MYPN: variants seen among roughly 807,000 people sequenced by gnomAD.
MYPN encodes sarcomeric protein myopalladin, 145 kDa (MYOP).
Under a neutral mutation model 129.4 loss-of-function variants are expected in MYPN, and 63 were observed. The observed-to-expected ratio is 0.49, with a 90% CI of 0.40 to 0.60. MYPN has a LOEUF of 0.60. Ranked by LOEUF, MYPN falls within the 20% of genes least tolerant of loss-of-function variation. The probability of loss-of-function intolerance (pLI) is 0.00; values close to 1 mark genes in which losing one functional copy is unlikely to be tolerated. For synonymous variants in MYPN, 629 were observed against 600.9 expected, an observed-to-expected ratio of 1.05 and a Z score of -0.68; for missense variants, 1,596 against 1,635.4, an observed-to-expected ratio of 0.98 and a Z score of 0.42.
chr10:68,169,716 G>A (rs2043115786), intron 10 of MYPN, among the ~76,000 whole-genome samples: 1 of 151,774 alleles, frequency 6.6e-6, no homozygotes, highest in Non-Finnish European at 1.5e-5. Flanking sequence ...GCAGTCAGAA[G>A]GGACAATGGG....
At chr10:68,117,007 G>A (rs545045192) in intron 1 of MYPN, among the ~76,000 whole-genome samples, 16 of 152,112 alleles carry the variant, frequency 1.1e-4, no homozygotes, top group Non-Finnish European at 2.2e-4. Context: ...ATCACTCGAG[G>A]TCAGGAGTTC....
chr10:68,136,584 C>T, intron 2 of MYPN: 1 of 1,495,730 alleles, frequency 6.7e-7, no homozygotes, highest in South Asian at 1.3e-5. Context: ...GTGACGGTTA[C>T]CGATTGTTTT....
chr10:68,211,019 T>C lies in MYPN; in HGVS notation c.*564T>C. ...CGGGCAAACACTTTTGATTTGCATA[T>C]CCTGGGTGTACTGAGCCACATAATA... On this transcript the variant is annotated 3_prime_UTR_variant, in exon 20 of 20. Coordinates refer to ENST00000358913, the MANE Select transcript of MYPN (RefSeq NM_032578.4). 1 of 454,108 alleles carries C rather than the reference T, an allele frequency of 2.2e-6. No individual in the cohort carries two copies. The highest frequency in any genetic ancestry group is 1.6e-5 in the South Asian group (1 of 64,480). The allele number at this position is 454,108 out of a possible 1,614,324, so 28.1% of individuals were successfully genotyped here.
intron 15 of MYPN, among the ~76,000 whole-genome samples, chr10:68,197,145 A>G (rs1364774064): frequency 2.6e-5 from 4 of 152,114 alleles, no homozygotes; most frequent in South Asian, 4.1e-4. Context: ...ATCTCGCAAG[A>G]CAATCCCACA....
rs151136803 is a variant in MYPN, at chr10:68,189,247, A to G, written c.2925+121A>G. ...CTTCTTTTTTGTATTTGTTATTGATATAGTTGTACATGTTTTAGGGTATAT... is the reference window on the plus strand; with the variant it reads ...CTTCTTTTTTGTATTTGTTATTGATGTAGTTGTACATGTTTTAGGGTATAT... On this transcript the variant is annotated intron_variant, in intron 13 of 19. Transcript: ENST00000358913. 730 of 738,966 alleles carry G rather than the reference A, an allele frequency of 9.9e-4. 4 individuals are homozygous for G. The African/African-American group carries it at 0.012, about 12-fold the overall frequency. 45.8% of individuals were successfully genotyped at this position (738,966 alleles called of 1,614,324 possible). A position where few individuals can be genotyped will look rare whatever the true frequency, so the allele number is the denominator to read the frequency against.
At chr10:68,209,671 C>CTTTTTTTTTTTT (rs35392300) in intron 19 of MYPN, among the ~76,000 whole-genome samples, 14 of 131,168 alleles carry the variant, frequency 1.1e-4, no homozygotes, top group East Asian at 4.6e-4. Context: ...GAATTCTTTT[C>CTTTTTTTTTTTT]TTTTTTTTTT....
intron 8 of MYPN, among the ~76,000 whole-genome samples, chr10:68,163,462 TAAAAAAAATACA>T (rs2043009103): frequency 6.6e-6 from 1 of 150,992 alleles, no homozygotes. Flanking sequence ...CCGTCTCTAC[TAAAAAAAATACA>T]AAAAATTAGC....
intron 12 of MYPN, among the ~76,000 whole-genome samples, chr10:68,177,561 T>G (rs141654412): frequency 6.6e-4 from 100 of 152,332 alleles, no homozygotes; most frequent in Admixed American, 3.0e-3. Context: ...TTTTATCCAT[T>G]GCTGTCTTCG....
chr10:68,104,126 A>G (rs2041995523), upstream of MYPN, among the ~76,000 whole-genome samples: 1 of 151,964 alleles, frequency 6.6e-6, no homozygotes, highest in East Asian at 1.9e-4. Flanking sequence ...AACTTAGACT[A>G]CTCCCCAGCC....
chr10:68,189,274 C>T, intron 13 of MYPN, 148 bp downstream of exon 13: 1 of 671,882 alleles, frequency 1.5e-6, no homozygotes, highest in South Asian at 1.7e-5. Context: ...AGGGTATATG[C>T]AATATTTTGA....
intron 12 of MYPN, among the ~76,000 whole-genome samples, chr10:68,176,624 C>A (rs2043231515): frequency 6.6e-6 from 1 of 152,148 alleles, no homozygotes; most frequent in African/African-American, 2.4e-5. Context: ...TTCTTAAAAT[C>A]TTTTAAAAAT....
chr10:68,108,380 G>A (rs1006190142), upstream of MYPN, among the ~76,000 whole-genome samples: 3 of 152,106 alleles, frequency 2.0e-5, no homozygotes, highest in Admixed American at 1.3e-4. Context: ...AGATCTCTTC[G>A]TAAATTCCAC....
intron 13 of MYPN, among the ~76,000 whole-genome samples, chr10:68,190,954 C>T (rs1312124399): frequency 6.6e-6 from 1 of 152,084 alleles, no homozygotes; most frequent in African/African-American, 2.4e-5. Context: ...TCCTTTCTCT[C>T]AATGTATGTT....
At chr10:68,187,820 G>A (rs145823395) in intron 12 of MYPN, among the ~76,000 whole-genome samples, 1 of 152,246 alleles carries the variant, frequency 6.6e-6, no homozygotes, top group South Asian at 2.1e-4. Flanking sequence ...GGTGTGTCAC[G>A]GAAGGAAATG....
intron 2 of MYPN, among the ~76,000 whole-genome samples, chr10:68,135,216 G>T (rs957107044): frequency 1.1e-4 from 16 of 152,106 alleles, no homozygotes; most frequent in African/African-American, 3.9e-4. Context: ...GCCTCCCAAA[G>T]TGCTGGGATC....
At chr10:68,204,478 T>G (rs2043777578) in intron 18 of MYPN, among the ~76,000 whole-genome samples, 1 of 152,122 alleles carries the variant, frequency 6.6e-6, no homozygotes, top group African/African-American at 2.4e-5. Context: ...TCCCAGCACT[T>G]TGGGAGGCCA....
At position 68,210,536 on chromosome 10, in the gene MYPN, A is replaced by G; in HGVS notation, c.*81A>G. On this transcript the variant is annotated 3_prime_UTR_variant, in exon 20 of 20. Transcript: ENST00000358913. ...AAGCCAGACTTGGTGGTTTCCAAGC[A>G]ACCGAAGTTGAGTAAGTTCCCACAC... 1.3e-6 allele frequency: 2 copies of G among 1,562,708 alleles called. No individual in the cohort carries two copies. The highest frequency in any genetic ancestry group is 1.8e-6 in the Non-Finnish European group (2 of 1,141,782).
chr10:68,099,229 C>G (rs2041971141), intron 1 of MYPN, among the ~76,000 whole-genome samples: 2 of 152,146 alleles, frequency 1.3e-5, no homozygotes, highest in African/African-American at 4.8e-5. Flanking sequence ...ATAATGTCAA[C>G]TTGAAAATCT....
At chr10:68,127,167 C>T (rs181100495) in intron 2 of MYPN, among the ~76,000 whole-genome samples, 51 of 152,076 alleles carry the variant, frequency 3.4e-4, no homozygotes, top group African/African-American at 1.2e-3. Context: ...CCACACCCAG[C>T]TAATTTTTTG....
Sources: allele counts gnomAD v4.1 joint callset (sites outside exome capture counted in the v4.1 genomes callset), GRCh38; gene constraint gnomAD v4.1.1; transcripts MANE v1.5; gene names NCBI Gene and HGNC (gene_info 2026-07-23, HGNC 2026-07-21).